The following CPQ variants were observed in gnomAD, a reference collection of about 807,000 sequenced individuals.
The protein encoded by CPQ is carboxypeptidase Q, also known as Ser-Met dipeptidase.
CPQ carries 37 observed loss-of-function variants against 45.7 expected under a neutral mutation model. The observed-to-expected ratio is 0.81, with a 90% CI of 0.62 to 1.07. CPQ has a LOEUF of 1.07. Ranked by LOEUF, CPQ falls within the 50% of genes least tolerant of loss-of-function variation. The probability of loss-of-function intolerance (pLI) is 0.00; values close to 1 mark genes in which losing one functional copy is unlikely to be tolerated. For synonymous variants in CPQ, 186 were observed against 205.8 expected, an observed-to-expected ratio of 0.90 and a Z score of 0.82; for missense variants, 537 against 572.9, an observed-to-expected ratio of 0.94 and a Z score of 0.64.
chr8:96,745,268 AT>A (rs1344328919), intron 1 of CPQ, among the ~76,000 whole-genome samples: 1 of 152,002 alleles, frequency 6.6e-6, no homozygotes, highest in Non-Finnish European at 1.5e-5. Context: ...AGATCACACC[AT>A]TGCACTCCAG....
chr8:97,140,035 T>C (rs560702809), intron 7 of CPQ, among the ~76,000 whole-genome samples: 4 of 150,744 alleles, frequency 2.7e-5, no homozygotes, highest in South Asian at 2.1e-4. Context: ...GAGAAGACAC[T>C]GATAATCAAC....
At chr8:96,951,936 T>C (rs1813272463) in intron 4 of CPQ, among the ~76,000 whole-genome samples, 1 of 152,088 alleles carries the variant, frequency 6.6e-6, no homozygotes, top group Admixed American at 6.6e-5. Context: ...TTACACTATG[T>C]GCCCGGAATA....
chr8:97,141,031 T>C (rs536439199), intron 7 of CPQ, among the ~76,000 whole-genome samples: 1 of 152,148 alleles, frequency 6.6e-6, no homozygotes, highest in Non-Finnish European at 1.5e-5. Flanking sequence ...AACACAAAAA[T>C]CATTTCCTAT....
intron 7 of CPQ, among the ~76,000 whole-genome samples, chr8:97,084,934 CTTTTA>C (rs1299925885): frequency 6.6e-6 from 1 of 151,828 alleles, no homozygotes; most frequent in Admixed American, 6.6e-5. Flanking sequence ...TAAGTTGCTG[CTTTTA>C]TTTTTTATTT....
At chr8:96,744,314 AAT>A (rs1810143672) in intron 1 of CPQ, among the ~76,000 whole-genome samples, 1 of 152,224 alleles carries the variant, frequency 6.6e-6, no homozygotes, top group African/African-American at 2.4e-5. Context: ...CGAGTGAGGC[AAT>A]GCCTCGCCCT....
chr8:96,802,919 A>C (rs1174096216), intron 2 of CPQ, among the ~76,000 whole-genome samples: 1 of 152,076 alleles, frequency 6.6e-6, no homozygotes, highest in African/African-American at 2.4e-5. Flanking sequence ...TAAGCAGTAC[A>C]TTTTGTTGGT....
intron 3 of CPQ, among the ~76,000 whole-genome samples, chr8:96,845,068 G>A (rs1354794726): frequency 6.6e-6 from 1 of 152,184 alleles, no homozygotes; most frequent in Non-Finnish European, 1.5e-5. Flanking sequence ...CTGGAATGCT[G>A]TTTCCCTGCT....
At chr8:96,777,723 AATATATATATATATATATATAT>A (rs71267279) in intron 1 of CPQ, among the ~76,000 whole-genome samples, 20 of 37,846 alleles carry the variant, frequency 5.3e-4, no homozygotes, top group African/African-American at 1.8e-3. Context: ...TGTCTTAGAA[AATATATATATATATATATATAT>A]ATATATATAT....
chr8:97,089,063 G>A (rs943710091), intron 7 of CPQ, among the ~76,000 whole-genome samples: 3 of 151,970 alleles, frequency 2.0e-5, no homozygotes, highest in Non-Finnish European at 4.4e-5. Flanking sequence ...GACCAACATG[G>A]AGAAACCCCA....
chr8:96,701,720 C>A (rs1430268011), intron 1 of CPQ, among the ~76,000 whole-genome samples: 1 of 152,160 alleles, frequency 6.6e-6, no homozygotes, highest in East Asian at 1.9e-4. Flanking sequence ...CATGTGAATG[C>A]GTTCCTTGGC....
At chr8:96,647,034 C>G (rs1303523580) in intron 1 of CPQ, among the ~76,000 whole-genome samples, 1 of 152,162 alleles carries the variant, frequency 6.6e-6, no homozygotes, top group East Asian at 1.9e-4. Flanking sequence ...GCCATATATT[C>G]CCAGTATATC....
chr8:97,085,325 A>T (rs1811022248), intron 7 of CPQ, among the ~76,000 whole-genome samples: 1 of 152,062 alleles, frequency 6.6e-6, no homozygotes, highest in South Asian at 2.1e-4. Flanking sequence ...TGGAGGCTAC[A>T]GTGAGCCATG....
intron 4 of CPQ, among the ~76,000 whole-genome samples, chr8:96,965,471 A>G (rs1365801464): frequency 6.8e-6 from 1 of 146,706 alleles, no homozygotes; most frequent in African/African-American, 2.5e-5. Context: ...CCGAGTTCAC[A>G]CCATTCTCCT....
chr8:96,874,212 T>C (rs1211839045), intron 3 of CPQ, among the ~76,000 whole-genome samples: 1 of 151,832 alleles, frequency 6.6e-6, no homozygotes, highest in Non-Finnish European at 1.5e-5. Context: ...GCCAAGTCCA[T>C]GGAAGTATAA....
rs180690892 is a variant in CPQ, at chr8:97,076,254, G to A, written c.1255+10044G>A. Among the ~76,000 whole-genome samples the A allele has an allele frequency of 9.5e-4, 144 of 152,196 alleles. 3 individuals carry two copies. Among genetic ancestry groups the A allele is most frequent in the Non-Finnish European group, 3.4e-4 (23 of 67,996 alleles). On this transcript the variant is annotated intron_variant, in intron 7 of 7. Coordinates refer to ENST00000220763, the MANE Select transcript of CPQ (RefSeq NM_016134.4). ...TTGGTCAGGCTGGTCTCGAACACCT[G>A]ACGTCGTGATCCTCCTGCCTCAGCC...
chr8:96,685,522 AT>A (rs1809215681), intron 1 of CPQ, among the ~76,000 whole-genome samples: 1 of 152,088 alleles, frequency 6.6e-6, no homozygotes, highest in Non-Finnish European at 1.5e-5. Context: ...TACTTATGAC[AT>A]TAAAATTTTC....
At chr8:96,761,406 T>A (rs1005307300) in intron 1 of CPQ, 2 of 152,282 alleles carry the variant, frequency 1.3e-5, no homozygotes, top group Non-Finnish European at 2.9e-5. Flanking sequence ...CCTCTCCCAG[T>A]GGTCCTGGAT....
At chr8:96,953,892 T>A (rs1461496515) in intron 4 of CPQ, among the ~76,000 whole-genome samples, 1 of 152,170 alleles carries the variant, frequency 6.6e-6, no homozygotes, top group Non-Finnish European at 1.5e-5. Flanking sequence ...TTTTAAGCTA[T>A]TATTTGTGCT....
intron 1 of CPQ, among the ~76,000 whole-genome samples, chr8:96,658,644 A>G (rs916939659): frequency 2.6e-5 from 4 of 152,254 alleles, no homozygotes; most frequent in East Asian, 1.9e-4. Context: ...GGTGGGCCCA[A>G]TGTAATCACA....
Sources: gnomAD v4.1 joint callset for allele counts (sites outside exome capture counted in the v4.1 genomes callset) on GRCh38, gnomAD v4.1.1 for gene constraint, MANE v1.5 for transcripts, NCBI Gene and HGNC (gene_info 2026-07-23, HGNC 2026-07-21) for gene names.